The following YIPF5 variants were observed in gnomAD, a reference collection of about 807,000 sequenced individuals.
The protein encoded by YIPF5 is Yip1 domain family member 5, also known as protein YIPF5.
Under a neutral mutation model 30.4 loss-of-function variants are expected in YIPF5, and 8 were observed. The ratio of observed to expected loss-of-function variants is 0.26; its 90% CI spans 0.15 to 0.47. The LOEUF (loss-of-function observed/expected upper bound fraction) is 0.47. YIPF5 is among the 20% of genes least tolerant of loss of function. The probability of loss-of-function intolerance (pLI) is 0.99; values close to 1 mark genes in which losing one functional copy is unlikely to be tolerated. For synonymous variants in YIPF5, 104 were observed against 107.9 expected, an observed-to-expected ratio of 0.96 and a Z score of 0.23; for missense variants, 282 against 301.8, an observed-to-expected ratio of 0.93 and a Z score of 0.49.
chr5:144,169,988 A>C (rs1561516540), intron 1 of YIPF5, 23 bp from the exon 2 acceptor site: 1 of 1,573,108 alleles, frequency 6.4e-7, no homozygotes. Context: ...AGAAATGGCA[A>C]ATATTCCTTA....
Position 144,160,137 on chromosome 5 carries a change from C to T in YIPF5, c.*260G>A, listed in dbSNP as rs1007159863. Reference sequence around the variant, plus strand: ...TGCAAGGAAAAAGGTTTTTCAATGGCTGCAGGAACCAGAAAGAAATAGCAT... The same window carrying T: ...TGCAAGGAAAAAGGTTTTTCAATGGTTGCAGGAACCAGAAAGAAATAGCAT... On this transcript the variant is annotated 3_prime_UTR_variant, in exon 6 of 6. Transcript: ENST00000274496. 5.2e-6 allele frequency: 6 copies of T among 1,160,972 alleles called. No individual in the cohort carries two copies. The South Asian group carries it at 2.5e-4, about 48-fold the overall frequency. The allele number at this position is 1,160,972 out of a possible 1,614,324, so 71.9% of individuals were successfully genotyped here.
rs1751973649 is a variant in YIPF5, at chr5:144,159,708, T to TG, written c.*688_*689insC. On this transcript the variant is annotated 3_prime_UTR_variant, in exon 6 of 6. Coordinates refer to ENST00000274496, the MANE Select transcript of YIPF5 (RefSeq NM_030799.9). ...TTTTGCAGTAAGTCTTGTGTCTCCT[T>TG]TTTTTTTTTTTTTTGAGACAGAGTC... The TG allele has an allele frequency of 1.5e-6, 1 of 651,826 alleles. No individual in the cohort carries two copies. Among genetic ancestry groups the TG allele is most frequent in the East Asian group, 1.4e-4 (1 of 7,366 alleles). The allele number at this position is 651,826 out of a possible 1,614,324, so 40.4% of individuals were successfully genotyped here. A position where few individuals can be genotyped will look rare whatever the true frequency, so the allele number is the denominator to read the frequency against.
At chr5:144,166,985 A>G (rs1752221193) in intron 2 of YIPF5, among the ~76,000 whole-genome samples, 1 of 152,192 alleles carries the variant, frequency 6.6e-6, no homozygotes, top group South Asian at 2.1e-4. Flanking sequence ...CTTTTGCAAC[A>G]GCACTGCAAA....
rs1752135043 is a variant in YIPF5, at chr5:144,164,261, A to G, written c.284-5T>C. The G allele has an allele frequency of 2.5e-6, 4 of 1,596,988 alleles. 1 individual carries two copies. The African/African-American group carries it at 5.4e-5, about 22-fold the overall frequency. ...GGTCAAAATTGATACCTAACTCTAA[A>G]GAGAAAGAAAATTTAAAAGTTAATT... On this transcript the variant is annotated splice_region_variant and splice_polypyrimidine_tract_variant and intron_variant, in intron 3 of 5. Coordinates refer to ENST00000274496, the MANE Select transcript of YIPF5 (RefSeq NM_030799.9).
At chr5:144,169,799 T>C in intron 2 of YIPF5, 47 bp downstream of exon 2, 2 of 1,485,142 alleles carry the variant, frequency 1.3e-6, no homozygotes, top group Admixed American at 1.7e-5. Context: ...AAATATGTGT[T>C]TTCACTGCAA....
At position 144,170,450 on chromosome 5, in the gene YIPF5, G is replaced by A. The variant is rs1333804401; in HGVS notation, c.-11+85C>T. 4 of 165,510 alleles carry A rather than the reference G, an allele frequency of 2.4e-5. No individual in the cohort carries two copies. In the East Asian group the frequency reaches 5.5e-4, roughly 23 times the overall value. 10.3% of individuals were successfully genotyped at this position (165,510 alleles called of 1,614,324 possible). A position where few individuals can be genotyped will look rare whatever the true frequency, so the allele number is the denominator to read the frequency against. On this transcript the variant is annotated intron_variant, in intron 1 of 5. Transcript: ENST00000274496. ...CGAGGGTCTGAGCGAAAGGACCAGG[G>A]CGCGGCGCCGAAAGACGGCAACAAG...
chr5:144,170,245 C>T (rs562133757), intron 1 of YIPF5: 3 of 398,570 alleles, frequency 7.5e-6, no homozygotes, highest in African/African-American at 2.0e-5. Context: ...GTTCCATAAG[C>T]GGTCTAAAAT....
At chr5:144,161,407 C>T (rs539816366) in intron 5 of YIPF5, among the ~76,000 whole-genome samples, 101 of 132,138 alleles carry the variant, frequency 7.6e-4, no homozygotes, top group Admixed American at 3.4e-3. Context: ...TGCAACAGGG[C>T]GATCTCGGCT....
chr5:144,162,118 T>C, intron 5 of YIPF5, 100 bp downstream of exon 5: 1 of 1,293,074 alleles, frequency 7.7e-7, no homozygotes, highest in Non-Finnish European at 1.1e-6. Context: ...CACTATCTGA[T>C]ATGTTTGCTG....
chr5:144,161,778 A>G (rs1046786517), intron 5 of YIPF5, among the ~76,000 whole-genome samples: 2 of 152,190 alleles, frequency 1.3e-5, no homozygotes, highest in Admixed American at 6.5e-5. Context: ...AATACATTTC[A>G]TTTCCAGTTA....
chr5:144,161,872 A>G (rs1752057801), intron 5 of YIPF5, among the ~76,000 whole-genome samples: 1 of 152,204 alleles, frequency 6.6e-6, no homozygotes, highest in African/African-American at 2.4e-5. Flanking sequence ...GGTGGGATCT[A>G]GAAAATATCA....
chr5:144,165,514 G>C lies in YIPF5; in HGVS notation c.201C>G (p.Tyr67Ter). ...CTGGAGTATATGCCTGAGTTGGCTGGTAAATCTGCCCGGTGTATGGCTGTT... is the reference window on the plus strand; with the variant it reads ...CTGGAGTATATGCCTGAGTTGGCTGCTAAATCTGCCCGGTGTATGGCTGTT... ...QPQQPYTGQI[Y>*]QPTQAYTPAS... The change falls in exon 3 of 6, where the codon TAC (tyrosine) becomes TAG (stop). Residue 67 changes from tyrosine (Y) to a stop codon, truncating the protein, a stop_gained. Transcript: ENST00000274496. LOFTEE classifies it high-confidence loss of function. 6.2e-7 allele frequency: 1 copy of C among 1,614,152 alleles called. No homozygotes were observed. The highest frequency in any genetic ancestry group is 8.5e-7 in the Non-Finnish European group (1 of 1,180,022).
Position 144,168,067 on chromosome 5 carries a change from G to C in YIPF5, c.110+1779C>G, listed in dbSNP as rs183532518. 1.4e-3 allele frequency among the ~76,000 whole-genome samples: 214 copies of C among 152,230 alleles called. 2 individuals are homozygous for C. Among genetic ancestry groups the C allele is most frequent in the Non-Finnish European group, 1.9e-3 (130 of 68,002 alleles). On this transcript the variant is annotated intron_variant, in intron 2 of 5. Coordinates refer to ENST00000274496, the MANE Select transcript of YIPF5 (RefSeq NM_030799.9). ...CATCATCTATAAACCCAAGTTTATA[G>C]CAATAATGGTTATATAATCACCCAG...
chr5:144,163,670 G>A (rs1464792941), intron 4 of YIPF5, among the ~76,000 whole-genome samples: 3 of 151,690 alleles, frequency 2.0e-5, no homozygotes, highest in Non-Finnish European at 2.9e-5. Flanking sequence ...TTCTTGGGAA[G>A]GTGATAAATT....
intron 5 of YIPF5, among the ~76,000 whole-genome samples, chr5:144,161,026 G>A (rs1752024290): frequency 6.6e-6 from 1 of 152,150 alleles, no homozygotes. Context: ...AATAACTTCT[G>A]TAAAATTCAA....
At chr5:144,164,454 T>C (rs1213338680) in intron 3 of YIPF5, among the ~76,000 whole-genome samples, 198 bp from the exon 4 acceptor site, 7 of 152,242 alleles carry the variant, frequency 4.6e-5, no homozygotes, top group South Asian at 4.2e-4. Flanking sequence ...GGCATGATCA[T>C]AGCTCACTAT....
At chr5:144,165,231 TA>T (rs1202944087) in intron 3 of YIPF5, among the ~76,000 whole-genome samples, 200 bp downstream of exon 3, 1 of 152,230 alleles carries the variant, frequency 6.6e-6, no homozygotes, top group Non-Finnish European at 1.5e-5. Flanking sequence ...TTATCACTAT[TA>T]AAAGATCTAT....
In YIPF5 at chr5:144,158,761, G is replaced by T; in HGVS notation, c.*1636C>A. ...GCCCAAAACAAATTAATGACAAGTGGGTTTCTCCAGACGATTAATGAAGAA... is the reference window on the plus strand; with the variant it reads ...GCCCAAAACAAATTAATGACAAGTGTGTTTCTCCAGACGATTAATGAAGAA... On this transcript the variant is annotated 3_prime_UTR_variant, in exon 6 of 6. Transcript: ENST00000274496. The T allele has an allele frequency of 1.0e-6, 1 of 996,434 alleles. No homozygotes were observed. The allele number at this position is 996,434 out of a possible 1,614,324, so 61.7% of individuals were successfully genotyped here.
rs1021034002 is a variant in YIPF5 at position 144,159,207 on chromosome 5, C to T, written c.*1190G>A. ...CTTAAATTAGGGGTCAAAATCAGAG[C>T]CTAGTTAAAAAAGAGACAAAGAGAA... On this transcript the variant is annotated 3_prime_UTR_variant, in exon 6 of 6. Transcript: ENST00000274496. 1.3e-5 allele frequency: 13 copies of T among 984,182 alleles called. No individual in the cohort carries two copies. Among genetic ancestry groups the T allele is most frequent in the Non-Finnish European group, 1.6e-5 (13 of 829,162 alleles). 61.0% of individuals were successfully genotyped at this position (984,182 alleles called of 1,614,324 possible). A position where few individuals can be genotyped will look rare whatever the true frequency, so the allele number is the denominator to read the frequency against.
Sources: allele counts gnomAD v4.1 joint callset (sites outside exome capture counted in the v4.1 genomes callset), GRCh38; gene constraint gnomAD v4.1.1; transcripts MANE v1.5; gene names NCBI Gene and HGNC (gene_info 2026-07-23, HGNC 2026-07-21).